Variants in PABPC4 observed in about 807,000 individuals in gnomAD.
PABPC4 encodes polyadenylate-binding protein 4.
Under a neutral mutation model 74.5 loss-of-function variants are expected in PABPC4, and 15 were observed. That is an observed-to-expected ratio of 0.20 (90% confidence interval 0.13 to 0.31). The LOEUF (loss-of-function observed/expected upper bound fraction) is 0.31, where lower values mean the gene tolerates loss of function less well. Ranked by LOEUF, PABPC4 falls within the 10% of genes least tolerant of loss-of-function variation. PABPC4 has a pLI of 1.00. For missense variants in PABPC4, 610 were observed against 853.5 expected (o/e 0.71, Z 3.55); for synonymous variants, 345 against 303.0 (o/e 1.14, Z -1.44).
intron 6 of PABPC4, chr1:39,568,524 G>GTCTCATTTAAGTAAAAGGAACCTACA: frequency 3.0e-6 from 1 of 333,530 alleles, no homozygotes; most frequent in Non-Finnish European, 5.3e-6. Flanking sequence ...AAACAAAGGA[G>GTCTCATTTAAGTAAAAGGAACCTACA]TCTCATTTAA....
At chr1:39,569,717 A>G (rs780305082) in intron 4 of PABPC4, 28 bp from the exon 5 acceptor site, 28 of 1,595,658 alleles carry the variant, frequency 1.8e-5, no homozygotes, top group Non-Finnish European at 2.4e-5. Flanking sequence ...AACTATTAGT[A>G]ACACCATCTT....
intron 2 of PABPC4, 28 bp from the exon 3 acceptor site, chr1:39,571,377 G>A (rs910795573): frequency 6.2e-7 from 1 of 1,613,536 alleles, no homozygotes; most frequent in Non-Finnish European, 8.5e-7. Context: ...GACCACTTTA[G>A]CAGAACTGGC....
Position 39,565,088 on chromosome 1 carries a change from A to G in PABPC4, c.1245+18T>C. The G allele has an allele frequency of 6.2e-7, 1 of 1,612,184 alleles. No homozygotes were observed. The highest frequency in any genetic ancestry group is 8.5e-7 in the Non-Finnish European group (1 of 1,179,176). ...AGCCGGCAGGTTCCCAAGAGCTGTG[A>G]CCAAACAGCACACCCACCTGTGGGA... On this transcript the variant is annotated intron_variant, in intron 8 of 15. Transcript: ENST00000372858.
At chr1:39,572,119 T>G in intron 2 of PABPC4, among the ~76,000 whole-genome samples, 1 of 150,150 alleles carries the variant, frequency 6.7e-6, no homozygotes, top group African/African-American at 2.5e-5. Context: ...GTCCTCTACT[T>G]TCCCCCATCC....
chr1:39,572,689 T>C, intron 1 of PABPC4, 103 bp from the exon 2 acceptor site: 1 of 804,766 alleles, frequency 1.2e-6, no homozygotes, highest in Non-Finnish European at 2.0e-6. Context: ...GTAATCACTC[T>C]TGATAAAAGG....
chr1:39,571,968 A>G (rs1363299542), intron 2 of PABPC4, among the ~76,000 whole-genome samples: 1 of 152,248 alleles, frequency 6.6e-6, no homozygotes, highest in Non-Finnish European at 1.5e-5. Flanking sequence ...ACAGATTTTC[A>G]GTGTAGTATG....
intron 1 of PABPC4, among the ~76,000 whole-genome samples, chr1:39,573,860 A>C (rs1187064083): frequency 1.3e-5 from 2 of 152,192 alleles, no homozygotes; most frequent in South Asian, 4.2e-4. Context: ...CTAAAAAATA[A>C]CACCACCTGC....
At chr1:39,565,458 T>C (rs1645822306) in intron 7 of PABPC4, 80 bp from the exon 8 acceptor site, 6 of 1,455,906 alleles carry the variant, frequency 4.1e-6, no homozygotes, top group Middle Eastern at 1.8e-4. Flanking sequence ...TCCCAGCACT[T>C]TGGAAGGCTG....
chr1:39,573,411 G>C (rs192443986), intron 1 of PABPC4, among the ~76,000 whole-genome samples: 4 of 152,312 alleles, frequency 2.6e-5, no homozygotes, highest in African/African-American at 9.6e-5. Flanking sequence ...AAGTTCTGTA[G>C]AATTCTAGGA....
At chr1:39,564,195 A>T (rs1338816787) in intron 10 of PABPC4, 8 of 630,412 alleles carry the variant, frequency 1.3e-5, no homozygotes, top group South Asian at 6.1e-5. Context: ...TCTACAACTA[A>T]CCTTTTTCAC....
At chr1:39,564,277 T>C in intron 10 of PABPC4, 146 bp downstream of exon 10, 2 of 862,680 alleles carry the variant, frequency 2.3e-6, no homozygotes, top group Non-Finnish European at 3.5e-6. Flanking sequence ...TCTCTGCTCC[T>C]GAAGTGGCCA....
At position 39,575,784 on chromosome 1, in the gene PABPC4, G is replaced by A. The variant is rs774947840; in HGVS notation, c.168C>T (p.Tyr56=). 36 of 1,603,330 alleles carry A rather than the reference G, an allele frequency of 2.2e-5. No homozygotes were observed. The highest frequency in any genetic ancestry group is 3.0e-5 in the Non-Finnish European group (35 of 1,174,518). ...CGTCGGCCGGCTGCTGGAAGTTGAC[G>A]TAGGCATAGCCCAGGGAGCGGCGGG... is the stretch of plus-strand genomic sequence containing the variant. ...MITRRSLGYA[Y]VNFQQPADAE... is the part of the protein sequence containing the mutation. Residue 56 remains tyrosine (Y), a synonymous_variant, in exon 1 of 16, where the codon TAC becomes TAT. Coordinates refer to ENST00000372858, the MANE Select transcript of PABPC4 (RefSeq NM_001135653.2).
intron 12 of PABPC4, chr1:39,563,308 T>C (rs772219778): frequency 2.8e-5 from 9 of 319,066 alleles, no homozygotes; most frequent in Non-Finnish European, 4.7e-5. Context: ...CAATAGGTCA[T>C]TGGATGCGGA....
chr1:39,561,294 G>A, intron 15 of PABPC4, 172 bp from the exon 16 acceptor site: 1 of 345,486 alleles, frequency 2.9e-6, no homozygotes, highest in African/African-American at 2.1e-5. Context: ...ACATTTAGCA[G>A]CATCTCTGGT....
At chr1:39,571,741 C>T (rs553119656) in intron 2 of PABPC4, 71 of 394,374 alleles carry the variant, frequency 1.8e-4, no homozygotes, top group Non-Finnish European at 2.7e-4. Context: ...AGTGTGGTGG[C>T]ACGTGCCTGT....
rs907615244 is a variant in PABPC4, at chr1:39,562,214, G to C, written c.1763-11C>G. On this transcript the variant is annotated splice_polypyrimidine_tract_variant and intron_variant, in intron 13 of 15. Transcript: ENST00000372858. ...GGAACAAGCGTTCTCCTATGGGGAGGATAGTTAATAAAAAAACAAATCAAA... is the reference window on the plus strand; with the variant it reads ...GGAACAAGCGTTCTCCTATGGGGAGCATAGTTAATAAAAAAACAAATCAAA... 1.2e-6 allele frequency: 2 copies of C among 1,613,924 alleles called. No individual in the cohort carries two copies. The highest frequency in any genetic ancestry group is 1.7e-5 in the Admixed American group (1 of 59,974).
At chr1:39,564,808 AG>A (rs1645811972) in intron 8 of PABPC4, 35 bp from the exon 9 acceptor site, 13 of 1,497,994 alleles carry the variant, frequency 8.7e-6, no homozygotes, top group Non-Finnish European at 1.2e-5. Flanking sequence ...CACCCCCTTA[AG>A]GACTGAACCC....
intron 2 of PABPC4, 69 bp from the exon 3 acceptor site, chr1:39,571,418 T>C: frequency 6.3e-7 from 1 of 1,588,720 alleles, no homozygotes; most frequent in Non-Finnish European, 8.6e-7. Flanking sequence ...CCTCAGGGTA[T>C]CTTGTGCCTG....
chr1:39,575,427 C>A (rs1646009939), intron 1 of PABPC4, among the ~76,000 whole-genome samples: 2 of 152,338 alleles, frequency 1.3e-5, no homozygotes, highest in South Asian at 4.1e-4. Flanking sequence ...GCAAGGATCT[C>A]TAACAGCCCA....
Sources: allele counts gnomAD v4.1 joint callset (sites outside exome capture counted in the v4.1 genomes callset), GRCh38; gene constraint gnomAD v4.1.1; transcripts MANE v1.5; gene names NCBI Gene and HGNC (gene_info 2026-07-23, HGNC 2026-07-21).